Variants in CCDC3 observed in about 807,000 individuals in gnomAD.
The protein encoded by CCDC3 is coiled-coil domain containing 3.
A neutral mutation model predicts 21.4 loss-of-function variants in CCDC3; 24 were observed. The observed-to-expected ratio is 1.12, with a 90% CI of 0.81 to 1.58. The LOEUF is 1.58. Ranked by LOEUF, CCDC3 falls within the 40% of genes most tolerant of loss-of-function variation. The probability of loss-of-function intolerance (pLI) is 0.00; values close to 1 mark genes in which losing one functional copy is unlikely to be tolerated. For synonymous variants in CCDC3, 186 were observed against 166.0 expected, an observed-to-expected ratio of 1.12 and a Z score of -0.93; for missense variants, 425 against 360.9, an observed-to-expected ratio of 1.18 and a Z score of -1.44.
At chr10:12,955,795 T>A (rs1835074494) in intron 2 of CCDC3, among the ~76,000 whole-genome samples, 1 of 152,126 alleles carries the variant, frequency 6.6e-6, no homozygotes, top group Non-Finnish European at 1.5e-5. Flanking sequence ...CAGGCTGGAG[T>A]GCAGTGGTGC....
At chr10:12,999,072 T>C (rs1792717316) in intron 1 of CCDC3, among the ~76,000 whole-genome samples, 1 of 152,128 alleles carries the variant, frequency 6.6e-6, no homozygotes, top group African/African-American at 2.4e-5. Context: ...AAACCCTGTC[T>C]CTACTAAAAA....
chr10:13,089,572 T>C (rs1173283202), intron 3 of CCDC3, among the ~76,000 whole-genome samples: 1 of 152,140 alleles, frequency 6.6e-6, no homozygotes, highest in Non-Finnish European at 1.5e-5. Flanking sequence ...CGCTTTCTCT[T>C]ATCTGGATGC....
intron 2 of CCDC3, among the ~76,000 whole-genome samples, chr10:12,943,688 C>A (rs770833200): frequency 2.0e-5 from 3 of 152,174 alleles, no homozygotes; most frequent in Non-Finnish European, 4.4e-5. Flanking sequence ...AAATGGCACA[C>A]CTGGTCTGAC....
rs1007478781 is a variant in CCDC3 at position 13,055,088 on chromosome 10, C to T, written c.-269-5147G>A. Among the ~76,000 whole-genome samples the T allele has an allele frequency of 2.0e-5, 3 of 152,176 alleles. No individual in the cohort carries two copies. The South Asian group carries it at 6.2e-4, about 32-fold the overall frequency. On this transcript the variant is annotated intron_variant, in intron 4 of 6. Transcript: ENST00000378839. ...AAACAAGTGGAGTTCAGCTGGGGCCCAAACATCATGAAGACTTACTTAATG... is the reference window on the plus strand; with the variant it reads ...AAACAAGTGGAGTTCAGCTGGGGCCTAAACATCATGAAGACTTACTTAATG...
At chr10:12,925,059 A>C (rs1486799626) in intron 2 of CCDC3, among the ~76,000 whole-genome samples, 1 of 152,076 alleles carries the variant, frequency 6.6e-6, no homozygotes, top group African/African-American at 2.4e-5. Flanking sequence ...GTTGAAGGAG[A>C]GGGGGCCACC....
At chr10:13,066,360 T>G (rs1290395375) in intron 4 of CCDC3, among the ~76,000 whole-genome samples, 2 of 152,226 alleles carry the variant, frequency 1.3e-5, no homozygotes, top group Non-Finnish European at 2.9e-5. Flanking sequence ...TGAGAGCCAC[T>G]GGTTTACCAG....
At chr10:12,968,200 CAT>C (rs1213471143) in intron 2 of CCDC3, among the ~76,000 whole-genome samples, 9 of 135,570 alleles carry the variant, frequency 6.6e-5, no homozygotes, top group African/African-American at 2.2e-4. Flanking sequence ...AACACACACA[CAT>C]ACACACACAC....
chr10:12,904,399 G>T (rs1463193641), intron 2 of CCDC3, among the ~76,000 whole-genome samples: 2 of 147,416 alleles, frequency 1.4e-5, no homozygotes, highest in South Asian at 2.2e-4. Context: ...AGCCTGGGAG[G>T]TGGAGGCTGC....
At chr10:12,938,470 C>T (rs1411876617) in intron 2 of CCDC3, among the ~76,000 whole-genome samples, 1 of 152,244 alleles carries the variant, frequency 6.6e-6, no homozygotes, top group Admixed American at 6.5e-5. Flanking sequence ...TGGACCACAA[C>T]CTTCTAGAGG....
At position 12,998,004 on chromosome 10, in the gene CCDC3, A is replaced by G. The variant is rs1835788945; in HGVS notation, c.549+334T>C. The stretch of plus-strand genomic sequence containing the variant: ...CCACATTCAAACTGTCCTGGGCTGC[A>G]GGTTGGACAAGCCTGATATAGATGC... On this transcript the variant is annotated intron_variant, in intron 2 of 2. Transcript: ENST00000378825. 2.0e-5 allele frequency among the ~76,000 whole-genome samples: 3 copies of G among 152,228 alleles called. No homozygotes were observed. The South Asian group carries it at 6.2e-4, about 31-fold the overall frequency.
chr10:13,007,985 G>A (rs1445821991), intron 5 of CCDC3, among the ~76,000 whole-genome samples: 1 of 152,158 alleles, frequency 6.6e-6, no homozygotes, highest in Non-Finnish European at 1.5e-5. Context: ...AACCACAAGG[G>A]GTGAGGGCAT....
intron 4 of CCDC3, among the ~76,000 whole-genome samples, chr10:13,062,393 G>C (rs1249139016): frequency 6.6e-6 from 1 of 152,070 alleles, no homozygotes; most frequent in Non-Finnish European, 1.5e-5. Context: ...TTTTGTACTG[G>C]ATTCTTCTCC....
chr10:12,975,797 C>T (rs1281595208), intron 2 of CCDC3, among the ~76,000 whole-genome samples: 3 of 152,168 alleles, frequency 2.0e-5, no homozygotes, highest in Admixed American at 2.0e-4. Context: ...GTCCTTGAAC[C>T]ATGTCAGCAA....
chr10:12,912,044 T>C (rs1031996838), intron 2 of CCDC3, among the ~76,000 whole-genome samples: 12 of 152,232 alleles, frequency 7.9e-5, no homozygotes, highest in African/African-American at 2.7e-4. Context: ...ATTCATTCAT[T>C]GACAGACACT....
chr10:13,091,437 C>A (rs1211373073), intron 3 of CCDC3, among the ~76,000 whole-genome samples: 2 of 152,092 alleles, frequency 1.3e-5, no homozygotes, highest in Non-Finnish European at 2.9e-5. Context: ...GTCTATGAAC[C>A]AGGAGGCAGG....
chr10:13,070,773 C>T (rs1019243571), intron 4 of CCDC3, among the ~76,000 whole-genome samples: 3 of 152,128 alleles, frequency 2.0e-5, no homozygotes, highest in Admixed American at 6.5e-5. Context: ...TGCAAATAAT[C>T]GGGCCAAGTA....
intron 1 of CCDC3, among the ~76,000 whole-genome samples, chr10:12,998,904 T>C (rs1835804923): frequency 3.9e-5 from 6 of 152,196 alleles, no homozygotes; most frequent in African/African-American, 1.4e-4. Context: ...ATGAAACAAA[T>C]GTCTTAACTC....
At chr10:12,958,991 T>G (rs892311661) in intron 2 of CCDC3, among the ~76,000 whole-genome samples, 3 of 152,032 alleles carry the variant, frequency 2.0e-5, no homozygotes, top group Non-Finnish European at 4.4e-5. Flanking sequence ...CAAAGAAAAG[T>G]AAGGTCCACC....
At chr10:13,003,641 T>A (rs1157733451), upstream of CCDC3, among the ~76,000 whole-genome samples, 3 of 152,190 alleles carry the variant, frequency 2.0e-5, no homozygotes, top group Non-Finnish European at 4.4e-5. Context: ...ATACTGTAAC[T>A]CATCAGATAA....
Sources: allele counts gnomAD v4.1 joint callset (sites outside exome capture counted in the v4.1 genomes callset), GRCh38; gene constraint gnomAD v4.1.1; transcripts MANE v1.5; gene names NCBI Gene and HGNC (gene_info 2026-07-23, HGNC 2026-07-21).